The following KANSL2 variants were observed in gnomAD, a reference collection of about 807,000 sequenced individuals.
The protein encoded by KANSL2 is NSL complex protein NSL2.
KANSL2 carries 34 observed loss-of-function variants against 55.6 expected under a neutral mutation model. The observed-to-expected ratio is 0.61, with a 90% CI of 0.46 to 0.81. KANSL2 has a LOEUF of 0.81. KANSL2 is among the 40% of genes least tolerant of loss of function. The probability of loss-of-function intolerance (pLI) is 0.00; values close to 1 mark genes in which losing one functional copy is unlikely to be tolerated. For missense variants in KANSL2, 502 were observed against 609.9 expected, an observed-to-expected ratio of 0.82 and a Z score of 1.86; for synonymous variants, 209 against 214.3, an observed-to-expected ratio of 0.98 and a Z score of 0.22.
At chr12:48,667,410 G>A (rs766197961) in intron 7 of KANSL2, 2 of 452,848 alleles carry the variant, frequency 4.4e-6, no homozygotes, top group African/African-American at 2.0e-5. Context: ...TGGGACCCAA[G>A]TATTAAGGCT....
chr12:48,659,989 G>A (rs913106191), intron 8 of KANSL2, among the ~76,000 whole-genome samples: 1 of 152,212 alleles, frequency 6.6e-6, no homozygotes, highest in African/African-American at 2.4e-5. Context: ...GGGCTGAGGG[G>A]AGAAGAAAAT....
At position 48,669,277 on chromosome 12, in the gene KANSL2, A is replaced by G. The variant is rs774397388; in HGVS notation, c.710-5T>C. ...GGCCAGTCAGGAGACTACTGCCTAG[A>G]GTTACAAGAGTCAAGATGTTATTTG... is the stretch of plus-strand genomic sequence containing the variant. On this transcript the variant is annotated splice_region_variant and splice_polypyrimidine_tract_variant and intron_variant, in intron 5 of 9. Transcript: ENST00000420613. 2 of 1,538,142 alleles carry G rather than the reference A, an allele frequency of 1.3e-6. No individual in the cohort carries two copies. Among genetic ancestry groups the G allele is most frequent in the African/African-American group, 2.8e-5 (2 of 72,658 alleles).
At chr12:48,656,817 CTTTCATGCCACTGCTTTTCAA>C in intron 8 of KANSL2, 3 of 474,502 alleles carry the variant, frequency 6.3e-6, no homozygotes, top group Non-Finnish European at 1.2e-5. Context: ...ATCAAACTAA[CTTTCATGCCACTGCTTTTCAA>C]GAGTCTGGTG....
chr12:48,654,833 A>G, intron 9 of KANSL2, 108 bp downstream of exon 9: 2 of 1,107,624 alleles, frequency 1.8e-6, no homozygotes, highest in Non-Finnish European at 2.6e-6. Context: ...TCTTTATACT[A>G]GTGATGACAC....
chr12:48,671,857 C>G lies in KANSL2; in HGVS notation c.651G>C (p.Leu217=). 1 of 1,613,380 alleles carries G rather than the reference C, an allele frequency of 6.2e-7. No individual in the cohort carries two copies. Among genetic ancestry groups the G allele is most frequent in the Non-Finnish European group, 8.5e-7 (1 of 1,179,626 alleles). The change falls in exon 5 of 10, where the codon CTG becomes CTC. Residue 217 remains leucine, a synonymous_variant. Coordinates refer to ENST00000420613, the MANE Select transcript of KANSL2 (RefSeq NM_017822.4). ...AGTATCGGCGCTTCTTCTCCTTGAGCAGATGCTGAAGTCGTTTAAACTGAT... is the reference window on the plus strand; with the variant it reads ...AGTATCGGCGCTTCTTCTCCTTGAGGAGATGCTGAAGTCGTTTAAACTGAT... ...YIDQFKRLQH[L]LKEKKRRYLH...
chr12:48,655,815 C>T (rs576986040), intron 8 of KANSL2, among the ~76,000 whole-genome samples: 1 of 152,120 alleles, frequency 6.6e-6, no homozygotes, highest in East Asian at 1.9e-4. Context: ...GATAACAACA[C>T]CTTGGGAAGC....
At position 48,672,435 on chromosome 12, in the gene KANSL2, T is replaced by TA. The variant is rs1418549166; in HGVS notation, c.546-474_546-473insT. 1.6e-3 allele frequency among the ~76,000 whole-genome samples: 168 copies of TA among 104,890 alleles called. 1 individual carries two copies. The East Asian group carries it at 0.019, about 12-fold the overall frequency. 68.8% of individuals were successfully genotyped at this position (104,890 alleles called of 152,430 possible). On this transcript the variant is annotated intron_variant, in intron 4 of 9. Transcript: ENST00000420613. ...TATATATATATATATATATATATAT[T>TA]TTTTTTTTGAGATAAGGTCTCACTC... is the stretch of plus-strand genomic sequence containing the variant.
rs140947523 is a variant in KANSL2 at position 48,672,211 on chromosome 12, A to G, written c.546-249T>C. Among the ~76,000 whole-genome samples the G allele has an allele frequency of 4.7e-3, 720 of 151,944 alleles. 5 individuals are homozygous for G. Among genetic ancestry groups the G allele is most frequent in the Admixed American group, 0.011 (167 of 15,220 alleles). The stretch of plus-strand genomic sequence containing the variant: ...GAGAAATGTCTTATTTTTCCCAGCT[A>G]TTTGCATTATGTTGAAAAGAAAGTG... On this transcript the variant is annotated intron_variant, in intron 4 of 9. Coordinates refer to ENST00000420613, the MANE Select transcript of KANSL2 (RefSeq NM_017822.4).
chr12:48,674,890 C>T (rs888364968), intron 4 of KANSL2, among the ~76,000 whole-genome samples: 3 of 151,022 alleles, frequency 2.0e-5, no homozygotes, highest in Non-Finnish European at 4.4e-5. Context: ...CGCACCACCG[C>T]GCTCCAGCCT....
At chr12:48,659,001 T>C (rs1403883181) in intron 8 of KANSL2, among the ~76,000 whole-genome samples, 1 of 152,138 alleles carries the variant, frequency 6.6e-6, no homozygotes, top group African/African-American at 2.4e-5. Flanking sequence ...AAGTTATCAT[T>C]AACAGTTATA....
intron 2 of KANSL2, among the ~76,000 whole-genome samples, chr12:48,680,945 G>A (rs1433407634): frequency 6.6e-6 from 1 of 151,450 alleles, no homozygotes; most frequent in Non-Finnish European, 1.5e-5. Context: ...ACTCCAGCCT[G>A]GGGAATAAAG....
At chr12:48,680,012 G>A in intron 2 of KANSL2, 179 bp from the exon 3 acceptor site, 2 of 584,578 alleles carry the variant, frequency 3.4e-6, no homozygotes, top group Non-Finnish European at 3.0e-6. Context: ...CTTTATTAAA[G>A]GGAAATAACA....
intron 7 of KANSL2, among the ~76,000 whole-genome samples, chr12:48,660,987 C>T (rs956321077): frequency 3.3e-5 from 5 of 152,108 alleles, no homozygotes; most frequent in African/African-American, 1.2e-4. Context: ...CTTGAAAATG[C>T]CCCTAAACAG....
chr12:48,675,467 G>C (rs1299109475), intron 4 of KANSL2, among the ~76,000 whole-genome samples: 1 of 152,156 alleles, frequency 6.6e-6, no homozygotes, highest in Non-Finnish European at 1.5e-5. Context: ...AATGGGTTAT[G>C]CCTACATTAA....
chr12:48,669,374 A>G (rs1397083063), intron 5 of KANSL2, 102 bp from the exon 6 acceptor site: 2 of 889,136 alleles, frequency 2.2e-6, no homozygotes, highest in East Asian at 5.4e-5. Context: ...TAAGATAGGC[A>G]GTTTCAAAAG....
chr12:48,670,198 C>CAA (rs55764309), intron 5 of KANSL2, among the ~76,000 whole-genome samples: 36,589 of 103,148 alleles, frequency 0.35, 5,912 homozygotes, highest in East Asian at 0.76. Context: ...GACTATATCA[C>CAA]AAAAAAAAAA....
chr12:48,672,046 G>C (rs1461441651), intron 4 of KANSL2, 84 bp from the exon 5 acceptor site: 13 of 1,199,218 alleles, frequency 1.1e-5, no homozygotes, highest in Non-Finnish European at 1.5e-5. Context: ...GTCAGACTAA[G>C]TTTGTTATTT....
At chr12:48,679,994 T>A in intron 2 of KANSL2, 161 bp from the exon 3 acceptor site, 1 of 624,732 alleles carries the variant, frequency 1.6e-6, no homozygotes, top group Non-Finnish European at 2.7e-6. Flanking sequence ...CAAGGTCAAC[T>A]CATTTGACTT....
In KANSL2 at chr12:48,654,928, G is replaced by A. The variant is rs964848997; in HGVS notation, c.1347+13C>T. The A allele has an allele frequency of 3.2e-6, 5 of 1,556,802 alleles. No homozygotes were observed. The highest frequency in any genetic ancestry group is 1.2e-5 in the South Asian group (1 of 84,250). ...CTACATGAGGGAAACAGGTGGGACT[G>A]TTCTTCACTTGCCAAAATATCCACT... On this transcript the variant is annotated intron_variant, in intron 9 of 9. Transcript: ENST00000420613.
Sources: allele counts gnomAD v4.1 joint callset (sites outside exome capture counted in the v4.1 genomes callset), GRCh38; gene constraint gnomAD v4.1.1; transcripts MANE v1.5; gene names NCBI Gene and HGNC (gene_info 2026-07-23, HGNC 2026-07-21).